The following C10orf90 variants were observed in gnomAD, a reference collection of about 807,000 sequenced individuals.
C10orf90 encodes (E2-independent) E3 ubiquitin-conjugating enzyme FATS.
C10orf90 carries 56 observed loss-of-function variants against 62.5 expected under a neutral mutation model. The ratio of observed to expected loss-of-function variants is 0.90; its 90% CI spans 0.72 to 1.12. C10orf90 has a LOEUF of 1.12. Ranked by LOEUF, C10orf90 falls within the 50% of genes most tolerant of loss-of-function variation. The pLI, the probability that C10orf90 is intolerant of heterozygous loss-of-function variation, is 0.00. For synonymous variants in C10orf90, 386 were observed against 340.4 expected (o/e 1.13, Z -1.47); for missense variants, 970 against 880.4 (o/e 1.10, Z -1.29).
intron 1 of C10orf90, among the ~76,000 whole-genome samples, chr10:126,651,410 C>T (rs538644970): frequency 3.3e-4 from 50 of 152,182 alleles, no homozygotes; most frequent in African/African-American, 1.2e-3. Flanking sequence ...ATTAATTAAG[C>T]TTAATTACAG....
chr10:126,519,038 G>A (rs1863598117), intron 2 of C10orf90, among the ~76,000 whole-genome samples: 3 of 152,148 alleles, frequency 2.0e-5, no homozygotes, highest in South Asian at 4.1e-4. Context: ...AGAAAGTCAC[G>A]GCTTTGCTAT....
At chr10:126,488,043 C>T (rs1861532874) in intron 4 of C10orf90, among the ~76,000 whole-genome samples, 1 of 151,644 alleles carries the variant, frequency 6.6e-6, no homozygotes, top group African/African-American at 2.4e-5. Context: ...CCAACTATCA[C>T]AGACAAAAAG....
Position 126,504,321 on chromosome 10 carries a change from G to A in C10orf90, c.1170C>T (p.Asn390=), listed in dbSNP as rs1394116789. 6.2e-7 allele frequency: 1 copy of A among 1,614,066 alleles called. No individual in the cohort carries two copies. The highest frequency in any genetic ancestry group is 2.2e-5 in the East Asian group (1 of 44,882). ...PKMHRSVLSL[N]LNCSSHRLTA... is the part of the protein sequence containing the mutation. ...TTAATCTGTGGGAACTACAATTGAG[G>A]TTGAGCGACAGGACGGATCTGTGCA... Residue 390 remains asparagine, a synonymous_variant, in exon 4 of 10, where the codon AAC becomes AAT. Coordinates refer to ENST00000488181, the MANE Select transcript of C10orf90 (RefSeq NM_001350921.2). The surrounding 1 kb of genome is among the most constrained non-coding windows in gnomAD (Gnocchi z 4.1).
At chr10:126,530,911 C>T (rs371494250) in intron 2 of C10orf90, among the ~76,000 whole-genome samples, 4 of 152,104 alleles carry the variant, frequency 2.6e-5, no homozygotes, top group African/African-American at 4.8e-5. Context: ...CGGTGGCTCA[C>T]GCCTGTAATC....
Position 126,489,680 on chromosome 10 carries a change from T to G in C10orf90, c.1534+14277A>C, listed in dbSNP as rs920246809. Among the ~76,000 whole-genome samples the G allele has an allele frequency of 4.5e-4, 69 of 151,784 alleles. 1 individual carries two copies. Among genetic ancestry groups the G allele is most frequent in the African/African-American group, 1.7e-3 (69 of 41,334 alleles). Reference sequence around the variant, plus strand: ...AACAGAATAACAGTTCCTCAAAATATCAAAAATAGAATTTTCATATGATCC... The same window carrying G: ...AACAGAATAACAGTTCCTCAAAATAGCAAAAATAGAATTTTCATATGATCC... On this transcript the variant is annotated intron_variant, in intron 4 of 9. Transcript: ENST00000488181.
chr10:126,594,551 G>A (rs957147804), intron 2 of C10orf90, among the ~76,000 whole-genome samples: 3 of 152,078 alleles, frequency 2.0e-5, no homozygotes, highest in Non-Finnish European at 4.4e-5. Flanking sequence ...GCACCCTCCT[G>A]GTGACTGTAT....
rs1861586578 is a variant in C10orf90, at chr10:126,489,120, T to A, written c.1534+14837A>T. Among the ~76,000 whole-genome samples the A allele has an allele frequency of 2.6e-5, 4 of 151,438 alleles. No individual in the cohort carries two copies. The South Asian group carries it at 6.2e-4, about 24-fold the overall frequency. ...TCCTCACAAACATAAATAAAAAAAATCCCCCAAAATATTAGCAAATAGAAT... is the reference window on the plus strand; with the variant it reads ...TCCTCACAAACATAAATAAAAAAAAACCCCCAAAATATTAGCAAATAGAAT... On this transcript the variant is annotated intron_variant, in intron 4 of 9. Coordinates refer to ENST00000488181, the MANE Select transcript of C10orf90 (RefSeq NM_001350921.2).
At chr10:126,485,612 T>C (rs1362681729) in intron 4 of C10orf90, among the ~76,000 whole-genome samples, 1 of 152,104 alleles carries the variant, frequency 6.6e-6, no homozygotes, top group Non-Finnish European at 1.5e-5. Flanking sequence ...GTAGACTAGA[T>C]ATCACAAAAA....
rs1463388523 is a variant in C10orf90, at chr10:126,425,626, G to A, written c.*238C>T. On this transcript the variant is annotated 3_prime_UTR_variant, in exon 10 of 10. Coordinates refer to ENST00000488181, the MANE Select transcript of C10orf90 (RefSeq NM_001350921.2). The stretch of plus-strand genomic sequence containing the variant: ...AAAAACATTAAGGGGACTGTATCCA[G>A]TGGGTTACATGGAGGTGGTTTCCCC... 2 of 563,582 alleles carry A rather than the reference G, an allele frequency of 3.5e-6. No homozygotes were observed. The highest frequency in any genetic ancestry group is 6.2e-6 in the Non-Finnish European group (2 of 322,692). 34.9% of individuals were successfully genotyped at this position (563,582 alleles called of 1,614,324 possible).
chr10:126,507,734 C>T (rs952849021), intron 3 of C10orf90, among the ~76,000 whole-genome samples: 10 of 152,034 alleles, frequency 6.6e-5, no homozygotes, highest in Non-Finnish European at 1.3e-4. Context: ...GCCTCATTCC[C>T]GAAAAATTAC....
chr10:126,490,027 TAATATATAA>T (rs1564828123), intron 4 of C10orf90, among the ~76,000 whole-genome samples: 1 of 100,940 alleles, frequency 9.9e-6, no homozygotes, highest in East Asian at 2.5e-4. Flanking sequence ...ATATAATATA[TAATATATAA>T]TATATATTAT....
intron 2 of C10orf90, among the ~76,000 whole-genome samples, chr10:126,539,012 G>C (rs1007629486): frequency 6.6e-6 from 1 of 152,178 alleles, no homozygotes; most frequent in Non-Finnish European, 1.5e-5. Context: ...CATAAAGCTG[G>C]GCCTGGAGCA....
At chr10:126,649,601 C>T (rs1212753673) in intron 1 of C10orf90, among the ~76,000 whole-genome samples, 1 of 152,222 alleles carries the variant, frequency 6.6e-6, no homozygotes, top group African/African-American at 2.4e-5. Flanking sequence ...GCCTTCAAAC[C>T]AAGGTCAGGT....
chr10:126,558,192 C>G (rs1864821273), intron 2 of C10orf90, among the ~76,000 whole-genome samples: 1 of 152,186 alleles, frequency 6.6e-6, no homozygotes, highest in Non-Finnish European at 1.5e-5. Flanking sequence ...CTACCATCAT[C>G]TCATACTTGT....
At chr10:126,495,125 T>G (rs1269351841) in intron 4 of C10orf90, among the ~76,000 whole-genome samples, 2 of 152,232 alleles carry the variant, frequency 1.3e-5, no homozygotes, top group East Asian at 3.8e-4. Flanking sequence ...GTTACTCATG[T>G]ATAGACGGTG....
At chr10:126,462,570 T>G (rs918406842) in intron 5 of C10orf90, among the ~76,000 whole-genome samples, 1 of 152,088 alleles carries the variant, frequency 6.6e-6, no homozygotes, top group Non-Finnish European at 1.5e-5. Flanking sequence ...GGTTGGAAGA[T>G]CATACTTTCA....
At chr10:126,430,995 G>A (rs1200385706) in intron 7 of C10orf90, among the ~76,000 whole-genome samples, 1 of 152,198 alleles carries the variant, frequency 6.6e-6, no homozygotes, top group African/African-American at 2.4e-5. Context: ...AAACAACAGA[G>A]TGGCTAAGCT....
At chr10:126,535,408 G>T (rs574630915) in intron 2 of C10orf90, among the ~76,000 whole-genome samples, 1 of 151,846 alleles carries the variant, frequency 6.6e-6, no homozygotes, top group East Asian at 2.0e-4. Flanking sequence ...TCCCAGCTAC[G>T]TGGGAGGCTG....
At chr10:126,550,878 AAAAAC>A (rs1468726805) in intron 2 of C10orf90, among the ~76,000 whole-genome samples, 9 of 152,206 alleles carry the variant, frequency 5.9e-5, no homozygotes, top group African/African-American at 2.2e-4. Context: ...ACCTTCAACT[AAAAAC>A]AATTACAATG....
Sources: gnomAD v4.1 joint callset for allele counts (sites outside exome capture counted in the v4.1 genomes callset) on GRCh38, gnomAD v4.1.1 for gene constraint, Gnocchi (gnomAD v3.1) non-coding constraint, MANE v1.5 for transcripts, NCBI Gene and HGNC (gene_info 2026-07-23, HGNC 2026-07-21) for gene names.